PSMD14: variants seen among roughly 807,000 people sequenced by gnomAD.
PSMD14 encodes the protein proteasome 26S subunit, non-ATPase 14.
A neutral mutation model predicts 41.2 loss-of-function variants in PSMD14; 7 were observed. That is an observed-to-expected ratio of 0.17 (90% CI 0.10 to 0.32). PSMD14 has a LOEUF of 0.32. PSMD14 is among the 10% of genes least tolerant of loss of function. PSMD14 has a pLI of 1.00. For missense variants in PSMD14, 139 were observed against 375.6 expected, an observed-to-expected ratio of 0.37 and a Z score of 5.21; for synonymous variants, 114 against 122.3, an observed-to-expected ratio of 0.93 and a Z score of 0.45.
chr2:161,353,638 T>G (rs2105248565), intron 3 of PSMD14, among the ~76,000 whole-genome samples: 1 of 152,334 alleles, frequency 6.6e-6, no homozygotes, highest in South Asian at 2.1e-4. Flanking sequence ...CCCAATAGAT[T>G]GCTGTCACTT....
intron 3 of PSMD14, among the ~76,000 whole-genome samples, chr2:161,346,902 G>A (rs1032537996): frequency 6.6e-6 from 1 of 152,056 alleles, no homozygotes; most frequent in African/African-American, 2.4e-5. Context: ...TCACACACAT[G>A]CATTGATCAT....
chr2:161,311,625 CTTTTTTT>C (rs34635738), intron 1 of PSMD14, among the ~76,000 whole-genome samples: 3 of 58,586 alleles, frequency 5.1e-5, no homozygotes, highest in African/African-American at 6.6e-5. Context: ...CTCACTCTTC[CTTTTTTT>C]TTTTTTTTTT....
intron 1 of PSMD14, among the ~76,000 whole-genome samples, chr2:161,316,170 A>G (rs1441282398): frequency 3.3e-5 from 5 of 152,196 alleles, no homozygotes. Context: ...AGATGTCTGG[A>G]AAGACTAAAA....
At chr2:161,351,443 C>T (rs1041308685) in intron 3 of PSMD14, among the ~76,000 whole-genome samples, 1 of 152,174 alleles carries the variant, frequency 6.6e-6, no homozygotes, top group African/African-American at 2.4e-5. Context: ...CCATATTATA[C>T]TCTGTAAGTC....
chr2:161,367,911 C>A lies in PSMD14; in HGVS notation c.240+8C>A, dbSNP rs766298961. 2.5e-6 allele frequency: 4 copies of A among 1,609,182 alleles called. No homozygotes were observed. The Admixed American group carries it at 6.8e-5, about 27-fold the overall frequency. On this transcript the variant is annotated splice_region_variant and intron_variant, in intron 5 of 11. Transcript: ENST00000409682. ...ATGCCACAGTCAGGAACAGTGAGTA[C>A]TTTTATGGTTGCCTGCTGCAAGTAA...
intron 8 of PSMD14, 54 bp from the exon 9 acceptor site, chr2:161,391,050 T>C: frequency 7.2e-7 from 1 of 1,386,068 alleles, no homozygotes; most frequent in Non-Finnish European, 9.5e-7. Flanking sequence ...TTCAAACATT[T>C]TTATTAGGTG....
intron 3 of PSMD14, among the ~76,000 whole-genome samples, chr2:161,324,931 G>T (rs369676912): frequency 1.6e-3 from 237 of 152,260 alleles, no homozygotes; most frequent in African/African-American, 5.3e-3. Context: ...AAGAATCAGT[G>T]TGTGATTTGT....
intron 10 of PSMD14, among the ~76,000 whole-genome samples, chr2:161,406,171 A>C (rs1254091527): frequency 3.9e-5 from 6 of 152,096 alleles, no homozygotes; most frequent in Admixed American, 3.9e-4. Flanking sequence ...AAAGAGAATG[A>C]GGTTAATGGG....
chr2:161,398,586 G>A (rs758483737), intron 10 of PSMD14, among the ~76,000 whole-genome samples: 6 of 151,728 alleles, frequency 4.0e-5, no homozygotes, highest in African/African-American at 7.3e-5. Flanking sequence ...GTAAATGAAT[G>A]TGCAGGTGAA....
At chr2:161,370,788 C>G (rs1683421137) in intron 6 of PSMD14, among the ~76,000 whole-genome samples, 1 of 152,134 alleles carries the variant, frequency 6.6e-6, no homozygotes, top group South Asian at 2.1e-4. Flanking sequence ...ACAGTGGATC[C>G]TGGTGTCCAT....
intron 7 of PSMD14, chr2:161,381,586 A>G (rs796390537): frequency 2.6e-5 from 4 of 152,070 alleles, no homozygotes; most frequent in South Asian, 2.1e-4. Context: ...GTGCTTTACA[A>G]ATTTAGTCTA....
At chr2:161,405,491 A>G (rs1168730987) in intron 10 of PSMD14, among the ~76,000 whole-genome samples, 2 of 152,208 alleles carry the variant, frequency 1.3e-5, no homozygotes, top group Admixed American at 1.3e-4. Context: ...GAATTAACAT[A>G]TGAAGTGTAG....
Position 161,389,811 on chromosome 2 carries a change from C to G in PSMD14, c.571-1293C>G, listed in dbSNP as rs1346493510. Reference sequence around the variant, plus strand: ...CTATGGAATCAGAATGACCTAGGTTCAGATCCCCATCTAGCCTTTTACTAG... The same window carrying G: ...CTATGGAATCAGAATGACCTAGGTTGAGATCCCCATCTAGCCTTTTACTAG... On this transcript the variant is annotated intron_variant, in intron 8 of 11. Transcript: ENST00000409682. 2.0e-5 allele frequency among the ~76,000 whole-genome samples: 3 copies of G among 149,954 alleles called. No homozygotes were observed. The Admixed American group carries it at 2.0e-4, about 10-fold the overall frequency.
At chr2:161,345,180 ATTAAATG>A (rs1430013620) in intron 3 of PSMD14, among the ~76,000 whole-genome samples, 1 of 149,454 alleles carries the variant, frequency 6.7e-6, no homozygotes, top group Non-Finnish European at 1.5e-5. Flanking sequence ...TCAATGGACT[ATTAAATG>A]TTAAAATTTA....
chr2:161,358,245 T>G (rs917256694), intron 3 of PSMD14, among the ~76,000 whole-genome samples: 10 of 152,206 alleles, frequency 6.6e-5, no homozygotes, highest in Admixed American at 6.5e-4. Flanking sequence ...CCAGGTCTTT[T>G]TTAGTCCTAT....
chr2:161,391,614 T>C (rs892807064), intron 9 of PSMD14, among the ~76,000 whole-genome samples: 1 of 152,106 alleles, frequency 6.6e-6, no homozygotes, highest in Non-Finnish European at 1.5e-5. Context: ...TAAGAGATAG[T>C]AGGGTCTTGC....
chr2:161,328,111 A>G (rs1240474217), intron 3 of PSMD14, among the ~76,000 whole-genome samples: 2 of 152,134 alleles, frequency 1.3e-5, no homozygotes, highest in Non-Finnish European at 2.9e-5. Context: ...GAGCAATTTG[A>G]CAATATCTAG....
chr2:161,379,464 T>C (rs1683546356), intron 7 of PSMD14, among the ~76,000 whole-genome samples: 5 of 152,034 alleles, frequency 3.3e-5, no homozygotes, highest in African/African-American at 1.2e-4. Flanking sequence ...AATTAGGAAT[T>C]TCCCTAAGGA....
intron 3 of PSMD14, among the ~76,000 whole-genome samples, chr2:161,356,993 A>G (rs573124606): frequency 3.3e-5 from 5 of 151,636 alleles, no homozygotes; most frequent in South Asian, 4.2e-4. Flanking sequence ...TAATATAACT[A>G]ATAGTGTTAA....
Sources: allele counts gnomAD v4.1 joint callset (sites outside exome capture counted in the v4.1 genomes callset), GRCh38; gene constraint gnomAD v4.1.1; transcripts MANE v1.5; gene names NCBI Gene and HGNC (gene_info 2026-07-23, HGNC 2026-07-21).